The following MAP2K1 variants were observed in gnomAD, a reference collection of about 807,000 sequenced individuals.
MAP2K1 encodes dual specificity mitogen-activated protein kinase kinase 1.
A neutral mutation model predicts 46.3 loss-of-function variants in MAP2K1; 16 were observed. The ratio of observed to expected loss-of-function variants is 0.35; its 90% CI spans 0.23 to 0.52. The LOEUF is 0.52. MAP2K1 is among the 20% of genes least tolerant of loss of function. The pLI, the probability that MAP2K1 is intolerant of heterozygous loss-of-function variation, is 0.94. For synonymous variants in MAP2K1, 183 were observed against 185.6 expected (o/e 0.99, Z 0.11); for missense variants, 263 against 497.1 (o/e 0.53, Z 4.48).
At position 66,424,064 on chromosome 15, in the gene MAP2K1, A is replaced by ATTT. The variant is rs55863611; in HGVS notation, c.81-10955_81-10953dup. Reference sequence around the variant, plus strand: ...CACCGCACCCAGCCATGTCTTGTGCATTTTTTTTTTGAGGTGGAGTTTTTC... The same window carrying ATTT: ...CACCGCACCCAGCCATGTCTTGTGCATTTTTTTTTTTTTGAGGTGGAGTTTTTC... On this transcript the variant is annotated intron_variant, in intron 1 of 10. Transcript: ENST00000307102. 1.2e-4 allele frequency among the ~76,000 whole-genome samples: 17 copies of ATTT among 147,776 alleles called. No homozygotes were observed. In the South Asian group the frequency reaches 3.6e-3, roughly 32 times the overall value.
At chr15:66,478,278 T>TATATGTGTGTATATATAAC (rs1567023581) in intron 5 of MAP2K1, among the ~76,000 whole-genome samples, 2 of 123,506 alleles carry the variant, frequency 1.6e-5, no homozygotes, top group Non-Finnish European at 3.0e-5. Flanking sequence ...ATATTTAACA[T>TATATGTGTGTATATATAAC]ATATATATAT....
intron 5 of MAP2K1, among the ~76,000 whole-genome samples, chr15:66,469,723 C>CACACACACACAT (rs143830560): frequency 0.018 from 2,380 of 134,106 alleles, 88 homozygotes; most frequent in Middle Eastern, 0.037. Flanking sequence ...CACACACACA[C>CACACACACACAT]ATATCGGATG....
At chr15:66,425,661 G>A (rs867495893) in intron 1 of MAP2K1, among the ~76,000 whole-genome samples, 1 of 152,174 alleles carries the variant, frequency 6.6e-6, no homozygotes, top group South Asian at 2.1e-4. Flanking sequence ...GATAGCATCA[G>A]CAGGTACAAC....
intron 1 of MAP2K1, among the ~76,000 whole-genome samples, chr15:66,415,998 C>G (rs992191185): frequency 6.6e-6 from 1 of 152,108 alleles, no homozygotes; most frequent in Non-Finnish European, 1.5e-5. Context: ...CCTAGCTCCC[C>G]ACTCGCCTTC....
chr15:66,444,649 C>A lies in MAP2K1; in HGVS notation c.517-7C>A. ...TTTTCTTTTCTTTTACATTCCCTTT[C>A]CTCTAGGTAATAAAAGGCCTGACAT... On this transcript the variant is annotated splice_polypyrimidine_tract_variant and splice_region_variant and intron_variant, in intron 4 of 10. Coordinates refer to ENST00000307102, the MANE Select transcript of MAP2K1 (RefSeq NM_002755.4). 1.3e-6 allele frequency: 2 copies of A among 1,596,402 alleles called. No individual in the cohort carries two copies. The highest frequency in any genetic ancestry group is 1.7e-6 in the Non-Finnish European group (2 of 1,163,940).
At chr15:66,471,747 C>T (rs1165588195) in intron 5 of MAP2K1, among the ~76,000 whole-genome samples, 2 of 152,046 alleles carry the variant, frequency 1.3e-5, no homozygotes, top group African/African-American at 2.4e-5. Flanking sequence ...ACTCAAATGC[C>T]ATTAGCTCTT....
rs538215548 is a variant in MAP2K1, at chr15:66,415,088, A to T, written c.81-19939A>T. 1.3e-4 allele frequency: 66 copies of T among 513,446 alleles called. 2 individuals are homozygous for T. The East Asian group carries it at 2.7e-3, about 21-fold the overall frequency. The allele number at this position is 513,446 out of a possible 1,614,324, so 31.8% of individuals were successfully genotyped here. A position where few individuals can be genotyped will look rare whatever the true frequency, so the allele number is the denominator to read the frequency against. ...TAGTACCAGTAATAACCTCTTCAAA[A>T]TGCTCCGGTAGTGCCACTATTGCTG... On this transcript the variant is annotated intron_variant, in intron 1 of 10. Coordinates refer to ENST00000307102, the MANE Select transcript of MAP2K1 (RefSeq NM_002755.4).
chr15:66,473,267 G>A (rs1014269285), intron 5 of MAP2K1, among the ~76,000 whole-genome samples: 1 of 152,090 alleles, frequency 6.6e-6, no homozygotes, highest in Non-Finnish European at 1.5e-5. Flanking sequence ...CAAATATTAC[G>A]AAGGGTCATG....
intron 1 of MAP2K1, among the ~76,000 whole-genome samples, chr15:66,396,197 T>C (rs1018749528): frequency 1.3e-5 from 2 of 152,106 alleles, no homozygotes; most frequent in African/African-American, 2.4e-5. Context: ...GTACAAAATT[T>C]AAAAATGATG....
chr15:66,391,505 G>A (rs2093356177), intron 1 of MAP2K1, among the ~76,000 whole-genome samples: 1 of 152,084 alleles, frequency 6.6e-6, no homozygotes, highest in African/African-American at 2.4e-5. Context: ...AGCCAGGATG[G>A]TCTCGATCTC....
intron 1 of MAP2K1, among the ~76,000 whole-genome samples, chr15:66,401,456 G>T (rs964871108): frequency 4.0e-5 from 6 of 151,856 alleles, no homozygotes. Context: ...TTTAATTGTT[G>T]TATTTTTGAA....
intron 3 of MAP2K1, among the ~76,000 whole-genome samples, chr15:66,441,487 A>G (rs1374053641): frequency 6.6e-6 from 1 of 151,768 alleles, no homozygotes; most frequent in African/African-American, 2.4e-5. Flanking sequence ...CCTGGGCAAC[A>G]AAGTGAGACT....
chr15:66,444,595 T>C, intron 4 of MAP2K1, 61 bp from the exon 5 acceptor site: 1 of 1,177,526 alleles, frequency 8.5e-7, no homozygotes, highest in East Asian at 2.3e-5. Context: ...TATTTTAAAA[T>C]AGATTGAGTA....
At chr15:66,392,254 GGTTTTTTTTTT>G (rs2093357887) in intron 1 of MAP2K1, among the ~76,000 whole-genome samples, 1 of 79,666 alleles carries the variant, frequency 1.3e-5, no homozygotes, top group South Asian at 6.1e-4. Context: ...GTTTTTTTTG[GGTTTTTTTTTT>G]TTTTTTTTTT....
At chr15:66,455,672 C>T (rs1309986414) in intron 5 of MAP2K1, among the ~76,000 whole-genome samples, 1 of 152,114 alleles carries the variant, frequency 6.6e-6, no homozygotes, top group Non-Finnish European at 1.5e-5. Context: ...GGTAGTTTTC[C>T]TACATTTCTA....
chr15:66,408,188 A>G lies in MAP2K1; in HGVS notation c.80+20761A>G, dbSNP rs376366410. On this transcript the variant is annotated intron_variant, in intron 1 of 10. Coordinates refer to ENST00000307102, the MANE Select transcript of MAP2K1 (RefSeq NM_002755.4). ...TGATAACAGCCAAGATTAGATCCCC[A>G]GTGCAGGTTGCCTTACTTTCTATCA... Among the ~76,000 whole-genome samples, 10 of 152,376 alleles carry G rather than the reference A, an allele frequency of 6.6e-5. No homozygotes were observed. In the East Asian group the frequency reaches 1.9e-3, roughly 29 times the overall value.
At chr15:66,447,566 C>T (rs1340704473) in intron 5 of MAP2K1, among the ~76,000 whole-genome samples, 1 of 151,270 alleles carries the variant, frequency 6.6e-6, no homozygotes, top group Admixed American at 6.6e-5. Context: ...TGGCGTGTGC[C>T]TGTAATCCTG....
At chr15:66,475,263 G>A (rs1892729100) in intron 5 of MAP2K1, among the ~76,000 whole-genome samples, 1 of 152,174 alleles carries the variant, frequency 6.6e-6, no homozygotes, top group Non-Finnish European at 1.5e-5. Flanking sequence ...ATCTTTAGTG[G>A]GGAGAGTTAT....
chr15:66,426,528 C>T (rs758159389), intron 1 of MAP2K1, among the ~76,000 whole-genome samples: 1 of 152,134 alleles, frequency 6.6e-6, no homozygotes, highest in Non-Finnish European at 1.5e-5. Flanking sequence ...ACTAAGTCAC[C>T]TGAGATTTCC....
Sources: gnomAD v4.1 joint callset for allele counts (sites outside exome capture counted in the v4.1 genomes callset) on GRCh38, gnomAD v4.1.1 for gene constraint, MANE v1.5 for transcripts, NCBI Gene and HGNC (gene_info 2026-07-23, HGNC 2026-07-21) for gene names.